The following DGKB variants were observed in gnomAD, a reference collection of about 807,000 sequenced individuals.
DGKB encodes 90 kDa diacylglycerol kinase.
Under a neutral mutation model 114.3 loss-of-function variants are expected in DGKB, and 67 were observed. The ratio of observed to expected loss-of-function variants is 0.59; its 90% CI spans 0.48 to 0.72. The LOEUF (loss-of-function observed/expected upper bound fraction) is 0.72, where lower values mean the gene tolerates loss of function less well. DGKB is among the 30% of genes least tolerant of loss of function. The pLI is 0.00. For synonymous variants in DGKB, 398 were observed against 323.1 expected (o/e 1.23, Z -2.49); for missense variants, 907 against 975.2 (o/e 0.93, Z 0.93).
At chr7:14,538,181 T>C (rs1210452890) in intron 20 of DGKB, among the ~76,000 whole-genome samples, 2 of 151,264 alleles carry the variant, frequency 1.3e-5, no homozygotes, top group African/African-American at 4.9e-5. Flanking sequence ...TGGTACTCTA[T>C]GCAGTGGGAG....
intron 20 of DGKB, among the ~76,000 whole-genome samples, chr7:14,564,827 T>A (rs1026130127): frequency 1.3e-5 from 2 of 152,100 alleles, no homozygotes; most frequent in African/African-American, 4.8e-5. Flanking sequence ...GCCATTGTTT[T>A]CCAGGGCATT....
At chr7:14,703,548 T>A (rs75793265) in intron 6 of DGKB, among the ~76,000 whole-genome samples, 4,077 of 152,274 alleles carry the variant, frequency 0.027, 82 homozygotes, top group South Asian at 0.048. Context: ...TGGCCCAGGC[T>A]CCACCACACA....
intron 21 of DGKB, among the ~76,000 whole-genome samples, chr7:14,457,807 C>T (rs1173591004): frequency 6.6e-6 from 1 of 152,130 alleles, no homozygotes; most frequent in Non-Finnish European, 1.5e-5. Context: ...TCAAGTATGC[C>T]GGCTGACATT....
chr7:14,192,228 C>A (rs1336287268), intron 23 of DGKB: 4 of 204,766 alleles, frequency 2.0e-5, no homozygotes, highest in Non-Finnish European at 4.0e-5. Flanking sequence ...AAAGACTCCA[C>A]CAAAAACTAG....
intron 1 of DGKB, among the ~76,000 whole-genome samples, chr7:14,970,709 C>T (rs1361440829): frequency 6.6e-6 from 1 of 152,074 alleles, no homozygotes; most frequent in Non-Finnish European, 1.5e-5. Flanking sequence ...CTGTAATTCT[C>T]CCCCTGACTC....
intron 2 of DGKB, among the ~76,000 whole-genome samples, chr7:14,838,532 C>T (rs993742731): frequency 6.6e-6 from 1 of 151,996 alleles, no homozygotes; most frequent in South Asian, 2.1e-4. Context: ...CACTCTCTCT[C>T]TTCCCCTCTC....
chr7:14,787,020 G>A (rs1480149858), intron 2 of DGKB, among the ~76,000 whole-genome samples: 1 of 152,192 alleles, frequency 6.6e-6, no homozygotes, highest in Non-Finnish European at 1.5e-5. Flanking sequence ...TCTTAGCTGA[G>A]AGTTGAGCAG....
chr7:14,553,404 C>T (rs1244774142), intron 20 of DGKB, among the ~76,000 whole-genome samples: 1 of 151,996 alleles, frequency 6.6e-6, no homozygotes, highest in Non-Finnish European at 1.5e-5. Flanking sequence ...GAGTATCCAG[C>T]ACATAGTGAT....
rs1790797850 is a variant in DGKB, at chr7:14,527,240, C to T, written c.1770+46972G>A. Among the ~76,000 whole-genome samples the T allele has an allele frequency of 1.3e-5, 2 of 152,060 alleles. 1 individual carries two copies. The highest frequency in any genetic ancestry group is 2.9e-5 in the Non-Finnish European group (2 of 68,002). On this transcript the variant is annotated intron_variant, in intron 20 of 25. Transcript: ENST00000402815. ...AAGGATATGTATCCAATCATTAGTCCAATGACAGATAATCTTTTATTGGAA... is the reference window on the plus strand; with the variant it reads ...AAGGATATGTATCCAATCATTAGTCTAATGACAGATAATCTTTTATTGGAA...
intron 17 of DGKB, among the ~76,000 whole-genome samples, chr7:14,596,175 C>A (rs930200163): frequency 1.3e-5 from 2 of 151,998 alleles, no homozygotes; most frequent in African/African-American, 4.8e-5. Context: ...TCTACAAGCA[C>A]AGGAATAATG....
intron 5 of DGKB, among the ~76,000 whole-genome samples, chr7:14,726,413 G>C (rs774185250): frequency 2.1e-4 from 32 of 152,084 alleles, no homozygotes; most frequent in Admixed American, 2.0e-4. Flanking sequence ...GATTACAGAC[G>C]TGAGCCACCG....
intron 22 of DGKB, among the ~76,000 whole-genome samples, 173 bp downstream of exon 22, chr7:14,345,128 G>T (rs1457146340): frequency 2.0e-5 from 3 of 151,338 alleles, no homozygotes; most frequent in Admixed American, 2.0e-4. Context: ...ACTTTAGTAT[G>T]TCAGATAGTG....
upstream of DGKB, among the ~76,000 whole-genome samples, chr7:14,904,567 G>A (rs1783572288): frequency 6.6e-6 from 1 of 152,112 alleles, no homozygotes; most frequent in Non-Finnish European, 1.5e-5. Flanking sequence ...CAGTTAATGA[G>A]CAAAGCATTT....
intron 2 of DGKB, among the ~76,000 whole-genome samples, chr7:14,781,125 A>G (rs1839023307): frequency 6.6e-6 from 1 of 152,198 alleles, no homozygotes; most frequent in South Asian, 2.1e-4. Context: ...ATTTAACCAT[A>G]AAAGCCTGGT....
chr7:14,589,064 C>G (rs148955136), intron 17 of DGKB, among the ~76,000 whole-genome samples: 2 of 151,872 alleles, frequency 1.3e-5, no homozygotes, highest in African/African-American at 4.8e-5. Flanking sequence ...TCTTTAATAT[C>G]CTTCAACAAA....
intron 23 of DGKB, among the ~76,000 whole-genome samples, chr7:14,232,340 A>G (rs942045377): frequency 1.3e-5 from 2 of 150,736 alleles, no homozygotes; most frequent in African/African-American, 4.9e-5. Context: ...CCTGCTCGAA[A>G]TTCCTTGCCC....
intron 23 of DGKB, among the ~76,000 whole-genome samples, chr7:14,194,000 T>A (rs1376249935): frequency 6.6e-6 from 1 of 152,128 alleles, no homozygotes. Context: ...CAACGAGATG[T>A]TACTTCATTC....
intron 17 of DGKB, among the ~76,000 whole-genome samples, chr7:14,593,150 T>C (rs188400773): frequency 4.2e-4 from 64 of 152,206 alleles, no homozygotes; most frequent in African/African-American, 1.4e-3. Flanking sequence ...GAAACATTTA[T>C]TTCATTATTT....
intron 6 of DGKB, 124 bp from the exon 7 acceptor site, chr7:14,701,854 C>A (rs937902204): frequency 1.6e-6 from 1 of 636,640 alleles, no homozygotes; most frequent in African/African-American, 1.9e-5. Context: ...CTGCTCCAAA[C>A]AATTAATTTG....
Sources: gnomAD v4.1 joint callset for allele counts (sites outside exome capture counted in the v4.1 genomes callset) on GRCh38, gnomAD v4.1.1 for gene constraint, MANE v1.5 for transcripts, NCBI Gene and HGNC (gene_info 2026-07-23, HGNC 2026-07-21) for gene names.